MBTPS1: variants seen among roughly 807,000 people sequenced by gnomAD.
The protein encoded by MBTPS1 is membrane bound transcription factor peptidase, site 1, also known as membrane-bound transcription factor site-1 protease.
MBTPS1 carries 94 observed loss-of-function variants against 127.8 expected under a neutral mutation model. That is an observed-to-expected ratio of 0.74 (90% CI 0.62 to 0.87). The LOEUF (loss-of-function observed/expected upper bound fraction) is 0.87. Among genes scored for constraint, MBTPS1 ranks in the 40% least tolerant of loss-of-function variants. The pLI is 0.00. For synonymous variants in MBTPS1, 632 were observed against 509.4 expected, an observed-to-expected ratio of 1.24 and a Z score of -3.24; for missense variants, 1,636 against 1,353.2, an observed-to-expected ratio of 1.21 and a Z score of -3.28.
At chr16:84,095,538 T>C (rs1402829494) in intron 4 of MBTPS1, 64 bp downstream of exon 4, 2 of 1,567,672 alleles carry the variant, frequency 1.3e-6, no homozygotes, top group Non-Finnish European at 1.7e-6. Context: ...TTTCCGCGCC[T>C]TCCCTGGGTA....
chr16:84,054,164 C>G lies in MBTPS1; in HGVS notation c.*285G>C, dbSNP rs1043548703. On this transcript the variant is annotated 3_prime_UTR_variant, in exon 23 of 23. Coordinates refer to ENST00000343411, the MANE Select transcript of MBTPS1 (RefSeq NM_003791.4). Reference sequence around the variant, plus strand: ...TCCCCTGCAGTCAGAAGACCCCAGACAGCCTTTCCAGTTCTCCCGAGTCTT... The same window carrying G: ...TCCCCTGCAGTCAGAAGACCCCAGAGAGCCTTTCCAGTTCTCCCGAGTCTT... 6 of 285,398 alleles carry G rather than the reference C, an allele frequency of 2.1e-5. No individual in the cohort carries two copies. In the East Asian group the frequency reaches 2.5e-4, roughly 12 times the overall value. The allele number at this position is 285,398 out of a possible 1,614,324, so 17.7% of individuals were successfully genotyped here.
chr16:84,108,484 G>A (rs2086355794), intron 1 of MBTPS1, among the ~76,000 whole-genome samples: 2 of 152,240 alleles, frequency 1.3e-5, no homozygotes, highest in African/African-American at 4.8e-5. Flanking sequence ...GGCTGGTCTC[G>A]AACTCCTGAC....
intron 18 of MBTPS1, among the ~76,000 whole-genome samples, chr16:84,065,253 G>C (rs1194606527): frequency 6.6e-6 from 1 of 152,030 alleles, no homozygotes; most frequent in African/African-American, 2.4e-5. Flanking sequence ...GAGTAGCTGG[G>C]ACTACAGGCG....
At chr16:84,098,763 T>C (rs16962827) in intron 3 of MBTPS1, among the ~76,000 whole-genome samples, 2,442 of 152,098 alleles carry the variant, frequency 0.016, 28 homozygotes, top group Non-Finnish European at 0.024. Context: ...CTGGCGAAAA[T>C]CGCTTCCAAC....
intron 1 of MBTPS1, among the ~76,000 whole-genome samples, chr16:84,114,976 TG>T: frequency 6.6e-6 from 1 of 152,118 alleles, no homozygotes; most frequent in Non-Finnish European, 1.5e-5. Flanking sequence ...TCGCCCAGGC[TG>T]GAATGCAGCG....
chr16:84,055,994 C>G lies in MBTPS1; in HGVS notation c.2962+11G>C, dbSNP rs372285651. On this transcript the variant is annotated intron_variant, in intron 22 of 22. Coordinates refer to ENST00000343411, the MANE Select transcript of MBTPS1 (RefSeq NM_003791.4). ...TGACTGAGCACAATCACAAAGCAGC[C>G]GAGAACTCACCTCCAGGAATGTCCC... 22 of 1,607,740 alleles carry G rather than the reference C, an allele frequency of 1.4e-5. No individual in the cohort carries two copies. The highest frequency in any genetic ancestry group is 1.7e-5 in the Non-Finnish European group (20 of 1,176,030).
chr16:84,071,335 C>T (rs2085767267), intron 12 of MBTPS1, among the ~76,000 whole-genome samples: 2 of 152,172 alleles, frequency 1.3e-5, no homozygotes, highest in Non-Finnish European at 2.9e-5. Context: ...CTGGAAGAGA[C>T]GTCAATGAGA....
At position 84,059,392 on chromosome 16, in the gene MBTPS1, G is replaced by A; in HGVS notation, c.2741C>T (p.Ala914Val). ...CCGAGGTTTTGGGTCTCCCAAATGGGCCTCCAGAACCTTGGAGTACCGATG... is the reference window on the plus strand; with the variant it reads ...CCGAGGTTTTGGGTCTCCCAAATGGACCTCCAGAACCTTGGAGTACCGATG... ...HLHRYSKVLE[A>V]HLGDPKPRPL... The change falls in exon 21 of 23, where the codon GCC (alanine) becomes GTC (valine). Residue 914 changes from alanine to valine, a missense_variant. Transcript: ENST00000343411. The A allele has an allele frequency of 2.5e-6, 4 of 1,614,096 alleles. No individual in the cohort carries two copies. Among genetic ancestry groups the A allele is most frequent in the Non-Finnish European group, 3.4e-6 (4 of 1,179,950 alleles).
At chr16:84,116,609 C>T (rs2086483705) in intron 1 of MBTPS1, 126 bp downstream of exon 1, 1 of 152,192 alleles carries the variant, frequency 6.6e-6, no homozygotes, top group Admixed American at 6.5e-5. Context: ...CCCACCTCCC[C>T]CGACCCGGCC....
At chr16:84,076,800 A>G (rs531688111) in intron 11 of MBTPS1, among the ~76,000 whole-genome samples, 1 of 152,374 alleles carries the variant, frequency 6.6e-6, no homozygotes, top group South Asian at 2.1e-4. Context: ...ACAAAATAAC[A>G]GCATTATAAA....
chr16:84,074,545 C>G lies in MBTPS1; in HGVS notation c.1593+52G>C, dbSNP rs148656684. 4 of 1,584,462 alleles carry G rather than the reference C, an allele frequency of 2.5e-6. No individual in the cohort carries two copies. The African/African-American group carries it at 5.4e-5, about 21-fold the overall frequency. On this transcript the variant is annotated intron_variant, in intron 12 of 22. Coordinates refer to ENST00000343411, the MANE Select transcript of MBTPS1 (RefSeq NM_003791.4). ...AGTAACTATGGCCTAAAGGTCTGGG[C>G]TGTGTCTAAGTTCACCATCAAGTCA...
chr16:84,080,372 C>G (rs1234230896), intron 11 of MBTPS1, among the ~76,000 whole-genome samples: 1 of 152,212 alleles, frequency 6.6e-6, no homozygotes, highest in African/African-American at 2.4e-5. Context: ...GGCATGCTAA[C>G]ATGAGTGAGT....
Position 84,066,530 on chromosome 16 carries a change from T to C in MBTPS1, c.2312A>G (p.Asp771Gly), listed in dbSNP as rs758667210. The change falls in exon 17 of 23, where the codon GAT (aspartate) becomes GGT (glycine). Residue 771 changes from aspartate to glycine, a missense_variant. Coordinates refer to ENST00000343411, the MANE Select transcript of MBTPS1 (RefSeq NM_003791.4). ...GGTGAACTCCCCTTCATACAGGCCA[T>C]CGCTGAACCCCATGTTCCACACAGA... ...LLSVWNMGFS[D>G]GLYEGEFTLA... is the part of the protein sequence containing the mutation. 11 of 1,614,188 alleles carry C rather than the reference T, an allele frequency of 6.8e-6. No homozygotes were observed. Among genetic ancestry groups the C allele is most frequent in the Middle Eastern group, 1.6e-4 (1 of 6,062 alleles).
At chr16:84,072,014 C>T (rs1470377950) in intron 12 of MBTPS1, 6 of 152,186 alleles carry the variant, frequency 3.9e-5, no homozygotes, top group African/African-American at 9.7e-5. Context: ...ACAAGGCGCC[C>T]GTTTTACCCC....
chr16:84,062,270 G>A (rs1405441612), intron 19 of MBTPS1, among the ~76,000 whole-genome samples: 5 of 152,078 alleles, frequency 3.3e-5, no homozygotes, highest in Non-Finnish European at 5.9e-5. Flanking sequence ...ACAGGCACAC[G>A]CCACCACGCC....
chr16:84,116,144 G>A lies in MBTPS1; in HGVS notation c.-325+591C>T, dbSNP rs1044080610. Among the ~76,000 whole-genome samples, 7 of 152,216 alleles carry A rather than the reference G, an allele frequency of 4.6e-5. 2 individuals carry two copies. Among genetic ancestry groups the A allele is most frequent in the Admixed American group, 4.6e-4 (7 of 15,288 alleles). On this transcript the variant is annotated intron_variant, in intron 1 of 22. Transcript: ENST00000343411. ...AGAATCTAATAACTTAATTTGTGTA[G>A]ACAAATAGGCCAAGATTCTCAGGGG...
At position 84,070,780 on chromosome 16, in the gene MBTPS1, C is replaced by T. The variant is rs370688706; in HGVS notation, c.1594-4G>A. On this transcript the variant is annotated splice_polypyrimidine_tract_variant and splice_region_variant and intron_variant, in intron 12 of 22. Coordinates refer to ENST00000343411, the MANE Select transcript of MBTPS1 (RefSeq NM_003791.4). ...GCAAATAGGGCTGCCAGTCAGGCTG[C>T]AGGAAAAAGAAATCAGACAAAGGCT... The T allele has an allele frequency of 8.2e-6, 13 of 1,593,964 alleles. No individual in the cohort carries two copies. The highest frequency in any genetic ancestry group is 1.8e-5 in the Admixed American group (1 of 55,192).
intron 21 of MBTPS1, 64 bp from the exon 22 acceptor site, chr16:84,056,199 AG>A (rs1180069193): frequency 9.2e-6 from 13 of 1,409,546 alleles, no homozygotes; most frequent in African/African-American, 1.4e-5. Flanking sequence ...GTACTAGTCT[AG>A]GAAGTTCAAC....
intron 1 of MBTPS1, among the ~76,000 whole-genome samples, chr16:84,112,485 C>A (rs886536796): frequency 6.6e-6 from 1 of 151,756 alleles, no homozygotes; most frequent in Non-Finnish European, 1.5e-5. Flanking sequence ...CACTGAAACC[C>A]CGTTTCCACT....
Sources: allele counts gnomAD v4.1 joint callset (sites outside exome capture counted in the v4.1 genomes callset), GRCh38; gene constraint gnomAD v4.1.1; transcripts MANE v1.5; gene names NCBI Gene and HGNC (gene_info 2026-07-23, HGNC 2026-07-21).